PLEK: variants seen among roughly 807,000 people sequenced by gnomAD.
PLEK encodes the protein pleckstrin.
In PLEK, 25 loss-of-function variants were observed where a neutral mutation model predicts 43.9. The ratio of observed to expected loss-of-function variants is 0.57; its 90% confidence interval spans 0.41 to 0.79. PLEK has a LOEUF of 0.79. PLEK is among the 30% of genes least tolerant of loss of function. The pLI, the probability that PLEK is intolerant of heterozygous loss-of-function variation, is 0.00. For synonymous variants in PLEK, 152 were observed against 144.4 expected (o/e 1.05, Z -0.38); for missense variants, 396 against 413.3 (o/e 0.96, Z 0.36).
intron 5 of PLEK, chr2:68,387,997 A>G: frequency 5.9e-6 from 1 of 168,104 alleles, no homozygotes; most frequent in Non-Finnish European, 1.3e-5. Context: ...AGCTGGTGAT[A>G]GTATTGCCAA....
chr2:68,376,493 G>A (rs1393860097), intron 1 of PLEK, among the ~76,000 whole-genome samples: 1 of 152,052 alleles, frequency 6.6e-6, no homozygotes, highest in African/African-American at 2.4e-5. Flanking sequence ...TCCTGCAGAG[G>A]TCTATAGGAT....
At chr2:68,377,070 G>A (rs1188033315) in intron 1 of PLEK, among the ~76,000 whole-genome samples, 2 of 151,954 alleles carry the variant, frequency 1.3e-5, no homozygotes, top group Non-Finnish European at 2.9e-5. Context: ...AATGATCTTC[G>A]GGTCCATCCA....
At chr2:68,374,016 A>T (rs950024168) in intron 1 of PLEK, among the ~76,000 whole-genome samples, 1 of 152,236 alleles carries the variant, frequency 6.6e-6, no homozygotes, top group Non-Finnish European at 1.5e-5. Context: ...TAGTACCATT[A>T]TTCATATAGC....
Position 68,394,108 on chromosome 2 carries a change from C to A in PLEK, c.848C>A (p.Ala283Glu), listed in dbSNP as rs1558502029. The A allele has an allele frequency of 6.3e-7, 1 of 1,597,648 alleles. No homozygotes were observed. Among genetic ancestry groups the A allele is most frequent in the Admixed American group, 1.7e-5 (1 of 59,970 alleles). Residue 283 changes from alanine (A) to glutamate (E), a missense_variant and splice_region_variant, in exon 8 of 9, where the codon GCA becomes GAA. Coordinates refer to ENST00000234313, the MANE Select transcript of PLEK (RefSeq NM_002664.3). ...ATGAACAACTCCTTTCTTCTTTAGG[C>A]AGAAGATCCCCTGGGAGCAATTCAC... The part of the protein sequence containing the change: ...AYLHYYDPAG[A>E]EDPLGAIHLR...
intron 6 of PLEK, among the ~76,000 whole-genome samples, chr2:68,391,325 G>A (rs1673854658): frequency 6.6e-6 from 1 of 152,154 alleles, no homozygotes; most frequent in South Asian, 2.1e-4. Context: ...GTTGGTGATT[G>A]TCCAGCAATT....
At chr2:68,373,379 G>A (rs900890301) in intron 1 of PLEK, among the ~76,000 whole-genome samples, 10 of 151,946 alleles carry the variant, frequency 6.6e-5, no homozygotes, top group Admixed American at 2.6e-4. Flanking sequence ...GTCAGACCCC[G>A]GAGGCTGCAC....
At chr2:68,390,133 A>G (rs190819486) in intron 6 of PLEK, among the ~76,000 whole-genome samples, 2 of 152,308 alleles carry the variant, frequency 1.3e-5, no homozygotes, top group Admixed American at 1.3e-4. Flanking sequence ...TGTGTGGGTA[A>G]TGAGTGTCTG....
Position 68,380,895 on chromosome 2 carries a change from T to C in PLEK, c.371T>C (p.Ile124Thr), listed in dbSNP as rs148689006. 21 of 1,613,260 alleles carry C rather than the reference T, an allele frequency of 1.3e-5. No homozygotes were observed. The highest frequency in any genetic ancestry group is 1.8e-5 in the Non-Finnish European group (21 of 1,179,518). ...TRRSIRLPET[I>T]DLGALYLSMK... is the part of the protein sequence containing the mutation. ...AGGTCCATTCGACTGCCAGAAACCA[T>C]TGACTTAGGGTGATTTTCTGTGTTT... is the stretch of plus-strand genomic sequence containing the variant. The change falls in exon 3 of 9, where the codon ATT becomes ACT. Residue 124 changes from isoleucine (I) to threonine (T), a missense_variant. By Grantham distance (89) the Ile-to-Thr change is moderately conservative. Transcript: ENST00000234313.
At chr2:68,375,871 A>C (rs1673492173) in intron 1 of PLEK, among the ~76,000 whole-genome samples, 1 of 152,230 alleles carries the variant, frequency 6.6e-6, no homozygotes, top group Non-Finnish European at 1.5e-5. Context: ...AGAATGGTCA[A>C]CTTATTGCTA....
At chr2:68,366,305 C>T (rs759419460) in intron 1 of PLEK, among the ~76,000 whole-genome samples, 10 of 152,342 alleles carry the variant, frequency 6.6e-5, no homozygotes, top group Middle Eastern at 3.4e-3. Context: ...ATTTGTTTCA[C>T]GTTTTAACCT....
In PLEK at chr2:68,380,114, A is replaced by T. The variant is rs532428929; in HGVS notation, c.43-214A>T. ...GAGTTGGGGAGGAGTATTCCAGAGA[A>T]TGGGGTTGGCTTGAGCAAAGAGCCG... On this transcript the variant is annotated intron_variant, in intron 1 of 8. Transcript: ENST00000234313. 9.7e-4 allele frequency among the ~76,000 whole-genome samples: 147 copies of T among 152,256 alleles called. 2 individuals are homozygous for T. The highest frequency in any genetic ancestry group is 1.5e-3 in the Non-Finnish European group (99 of 68,026).
chr2:68,385,913 G>A (rs1222795899), intron 4 of PLEK, among the ~76,000 whole-genome samples: 1 of 152,136 alleles, frequency 6.6e-6, no homozygotes, highest in Non-Finnish European at 1.5e-5. Context: ...CACTCCTTGA[G>A]GGAATTTCTC....
At chr2:68,392,979 T>C (rs558591944) in intron 6 of PLEK, among the ~76,000 whole-genome samples, 183 bp from the exon 7 acceptor site, 2 of 152,350 alleles carry the variant, frequency 1.3e-5, no homozygotes, top group Admixed American at 6.5e-5. Flanking sequence ...ATCCATATTA[T>C]TTATTGGCTG....
intron 4 of PLEK, among the ~76,000 whole-genome samples, chr2:68,383,625 C>A (rs1168971407): frequency 6.6e-6 from 1 of 152,048 alleles, no homozygotes; most frequent in East Asian, 1.9e-4. Context: ...AACTGACCAG[C>A]CTAGTAGGGC....
At chr2:68,376,879 T>G (rs897480605) in intron 1 of PLEK, among the ~76,000 whole-genome samples, 7 of 152,156 alleles carry the variant, frequency 4.6e-5, no homozygotes, top group Non-Finnish European at 1.0e-4. Flanking sequence ...TGTTTTCTTG[T>G]TTTTGGTACC....
intron 3 of PLEK, 141 bp downstream of exon 3, chr2:68,381,045 A>G (rs1673603809): frequency 9.5e-6 from 7 of 734,726 alleles, no homozygotes; most frequent in South Asian, 1.8e-5. Context: ...GTGTACTAAA[A>G]TGTTTACCTG....
chr2:68,378,118 T>C (rs1354549529), intron 1 of PLEK, among the ~76,000 whole-genome samples: 2 of 152,222 alleles, frequency 1.3e-5, no homozygotes, highest in African/African-American at 4.8e-5. Flanking sequence ...GCATATGGCA[T>C]GCATTATACA....
At chr2:68,372,508 C>T (rs1006932524) in intron 1 of PLEK, among the ~76,000 whole-genome samples, 6 of 151,920 alleles carry the variant, frequency 3.9e-5, no homozygotes, top group East Asian at 1.9e-4. Context: ...TCAAATCTGC[C>T]GTTCTTTATG....
intron 4 of PLEK, among the ~76,000 whole-genome samples, chr2:68,386,144 A>AT (rs11409829): frequency 0.3 from 45,157 of 150,696 alleles, 7,486 homozygotes; most frequent in East Asian, 0.7. Context: ...TAGGGTACAT[A>AT]TTTTTTGAGA....
Sources: gnomAD v4.1 joint callset for allele counts (sites outside exome capture counted in the v4.1 genomes callset) on GRCh38, gnomAD v4.1.1 for gene constraint, MANE v1.5 for transcripts, NCBI Gene and HGNC (gene_info 2026-07-23, HGNC 2026-07-21) for gene names.